The following EXT1 variants were observed in gnomAD, a reference collection of about 807,000 sequenced individuals.
EXT1 encodes the protein exostosin glycosyltransferase 1.
In EXT1, 20 loss-of-function variants were observed where a neutral mutation model predicts 82.5. The ratio of observed to expected loss-of-function variants is 0.24; its 90% CI spans 0.17 to 0.35. EXT1 has a LOEUF of 0.35. EXT1 is among the 10% of genes least tolerant of loss of function. The probability of loss-of-function intolerance (pLI) is 1.00; values close to 1 mark genes in which losing one functional copy is unlikely to be tolerated. For synonymous variants in EXT1, 348 were observed against 350.8 expected, an observed-to-expected ratio of 0.99 and a Z score of 0.09; for missense variants, 757 against 936.5, an observed-to-expected ratio of 0.81 and a Z score of 2.50.
chr8:118,097,847 C>G (rs989555612), intron 1 of EXT1, among the ~76,000 whole-genome samples: 3 of 152,170 alleles, frequency 2.0e-5, no homozygotes, highest in African/African-American at 7.2e-5. Context: ...GACAAACAAA[C>G]AGCTAACTGA....
chr8:117,931,631 T>C (rs1164836419), intron 1 of EXT1, among the ~76,000 whole-genome samples: 1 of 152,140 alleles, frequency 6.6e-6, no homozygotes, highest in Non-Finnish European at 1.5e-5. Context: ...AATAATAAAA[T>C]GATATGAAGA....
chr8:117,864,322 T>C (rs1447006597), intron 1 of EXT1, among the ~76,000 whole-genome samples: 1 of 152,174 alleles, frequency 6.6e-6, no homozygotes, highest in Admixed American at 6.5e-5. Flanking sequence ...TGTCACTAAG[T>C]TTTGCTTGCC....
intron 1 of EXT1, among the ~76,000 whole-genome samples, chr8:118,096,170 A>G (rs1817607443): frequency 6.6e-6 from 1 of 152,178 alleles, no homozygotes. Context: ...AAGGGGGGGA[A>G]GTTTCAATAT....
At chr8:117,827,365 T>C (rs1043234421) in intron 4 of EXT1, among the ~76,000 whole-genome samples, 12 of 151,938 alleles carry the variant, frequency 7.9e-5, no homozygotes, top group Admixed American at 1.3e-4. Flanking sequence ...TTTAAGTAAA[T>C]AGAAGTTCAC....
At chr8:117,962,579 C>T (rs920609005) in intron 1 of EXT1, among the ~76,000 whole-genome samples, 6 of 152,092 alleles carry the variant, frequency 3.9e-5, no homozygotes, top group African/African-American at 1.4e-4. Flanking sequence ...TGGTGAAACG[C>T]CCATCTCTAC....
chr8:117,883,797 G>C (rs945523179), intron 1 of EXT1, among the ~76,000 whole-genome samples: 3 of 152,246 alleles, frequency 2.0e-5, no homozygotes, highest in African/African-American at 7.2e-5. Context: ...CTGGAGCTTA[G>C]ACCAGGCAGC....
chr8:118,002,381 CAAA>C (rs772109456), intron 1 of EXT1, among the ~76,000 whole-genome samples: 1 of 61,032 alleles, frequency 1.6e-5, no homozygotes, highest in Non-Finnish European at 3.3e-5. Flanking sequence ...ACTCCGTCTC[CAAA>C]AAAAAAAAAA....
At chr8:118,041,104 A>G (rs17505478) in intron 1 of EXT1, among the ~76,000 whole-genome samples, 6,684 of 152,302 alleles carry the variant, frequency 0.044, 492 homozygotes, top group African/African-American at 0.15. Flanking sequence ...TTTTATCCAC[A>G]ACAAAGTAGA....
At position 118,005,600 on chromosome 8, in the gene EXT1, G is replaced by T. The variant is rs185498649; in HGVS notation, c.962+104485C>A. On this transcript the variant is annotated intron_variant, in intron 1 of 10. Coordinates refer to ENST00000378204, the MANE Select transcript of EXT1 (RefSeq NM_000127.3). ...GCAACAAAGGGTTACATAAACTAAT[G>T]ATCTAAGGTCACACAAGCTGCTAAG... Among the ~76,000 whole-genome samples, 16 of 152,266 alleles carry T rather than the reference G, an allele frequency of 1.1e-4. No homozygotes were observed. In the East Asian group the frequency reaches 2.7e-3, roughly 26 times the overall value.
chr8:117,965,545 T>C (rs1185018113), intron 1 of EXT1, among the ~76,000 whole-genome samples: 1 of 152,106 alleles, frequency 6.6e-6, no homozygotes, highest in Non-Finnish European at 1.5e-5. Flanking sequence ...AGATAAATAT[T>C]GTGCAATTCA....
At chr8:118,004,690 A>G (rs11562770) in intron 1 of EXT1, among the ~76,000 whole-genome samples, 65,472 of 151,960 alleles carry the variant, frequency 0.43, 14,286 homozygotes, top group Admixed American at 0.48. Flanking sequence ...CTTCCCTTAC[A>G]TCACAAACTC....
At chr8:117,996,147 C>T (rs925344547) in intron 1 of EXT1, among the ~76,000 whole-genome samples, 6 of 152,110 alleles carry the variant, frequency 3.9e-5, no homozygotes, top group Admixed American at 1.3e-4. Flanking sequence ...TCTCTTAAGA[C>T]GCTCGCCCTT....
intron 8 of EXT1, among the ~76,000 whole-genome samples, chr8:117,811,970 G>C (rs1463679039): frequency 2.0e-5 from 3 of 152,176 alleles, no homozygotes; most frequent in Non-Finnish European, 4.4e-5. Context: ...TTGAGTCTTG[G>C]CTCTGTGGGC....
At chr8:117,804,924 G>C (rs960418735) in intron 9 of EXT1, 31 bp from the exon 10 acceptor site, 2 of 1,610,934 alleles carry the variant, frequency 1.2e-6, no homozygotes, top group Non-Finnish European at 1.7e-6. Flanking sequence ...TTTCACAGGG[G>C]GCCATTATCA....
At chr8:117,948,340 AAGG>A (rs1814427865) in intron 1 of EXT1, among the ~76,000 whole-genome samples, 3 of 151,520 alleles carry the variant, frequency 2.0e-5, no homozygotes, top group African/African-American at 4.8e-5. Context: ...AAAAAAAAAA[AAGG>A]AGTAGTAACA....
At chr8:117,822,340 AG>A (rs1174276676) in intron 5 of EXT1, 124 bp downstream of exon 5, 13 of 1,106,474 alleles carry the variant, frequency 1.2e-5, no homozygotes, top group Non-Finnish European at 1.7e-5. Context: ...ACAAGGCTCT[AG>A]AAAAAGCAAT....
At chr8:117,964,244 A>T (rs2129724538) in intron 1 of EXT1, among the ~76,000 whole-genome samples, 1 of 152,082 alleles carries the variant, frequency 6.6e-6, no homozygotes, top group African/African-American at 2.4e-5. Flanking sequence ...TGGAATTCCA[A>T]TGAAGTGCAT....
At chr8:118,006,757 A>G (rs754827796) in intron 1 of EXT1, among the ~76,000 whole-genome samples, 33 of 152,190 alleles carry the variant, frequency 2.2e-4, no homozygotes, top group Non-Finnish European at 4.3e-4. Flanking sequence ...ACTAGGACCC[A>G]CTTCTTCTCA....
At chr8:118,097,058 C>CCTTT (rs1397518379) in intron 1 of EXT1, among the ~76,000 whole-genome samples, 1 of 152,012 alleles carries the variant, frequency 6.6e-6, no homozygotes, top group Non-Finnish European at 1.5e-5. Context: ...CCCAAGGAGG[C>CCTTT]CTTTCTTTCC....
Sources: gnomAD v4.1 joint callset for allele counts (sites outside exome capture counted in the v4.1 genomes callset) on GRCh38, gnomAD v4.1.1 for gene constraint, MANE v1.5 for transcripts, NCBI Gene and HGNC (gene_info 2026-07-23, HGNC 2026-07-21) for gene names.